The following SLC25A26 variants were observed in gnomAD, a reference collection of about 807,000 sequenced individuals.
SLC25A26 encodes the protein solute carrier family 25 member 26.
SLC25A26 carries 36 observed loss-of-function variants against 37.8 expected under a neutral mutation model. The ratio of observed to expected loss-of-function variants is 0.95; its 90% CI spans 0.73 to 1.26. The LOEUF (loss-of-function observed/expected upper bound fraction) is 1.26, where lower values mean the gene tolerates loss of function less well. Among genes scored for constraint, SLC25A26 ranks in the 50% most tolerant of loss-of-function variants. The probability of loss-of-function intolerance (pLI) is 0.00; values close to 1 mark genes in which losing one functional copy is unlikely to be tolerated. For synonymous variants in SLC25A26, 129 were observed against 122.5 expected, an observed-to-expected ratio of 1.05 and a Z score of -0.35; for missense variants, 390 against 331.1, an observed-to-expected ratio of 1.18 and a Z score of -1.38.
intron 5 of SLC25A26, among the ~76,000 whole-genome samples, chr3:66,288,204 T>C (rs899503099): frequency 2.0e-5 from 3 of 152,160 alleles, no homozygotes; most frequent in Non-Finnish European, 4.4e-5. Context: ...TAAGAACAAA[T>C]AGACAGTGAA....
At chr3:66,324,022 C>T (rs891641299) in intron 5 of SLC25A26, 1 of 152,116 alleles carries the variant, frequency 6.6e-6, no homozygotes, top group Non-Finnish European at 1.5e-5. Flanking sequence ...CACCATGTTG[C>T]CTAAGGAGGG....
rs2071151268 is a variant in SLC25A26 at position 66,204,445 on chromosome 3, AAAG to A, written c.-353-16294_-353-16292del. ...CGTCTCAAAAAAAAAAAAAAGAAAA[AAAG>A]AAAAAAGAAAGAAAAAGAAAAAAGA... On this transcript the variant is annotated intron_variant, in intron 1 of 10. Transcript: ENST00000676754. Among the ~76,000 whole-genome samples, 231 of 150,168 alleles carry A rather than the reference AAAG, an allele frequency of 1.5e-3. 1 individual carries two copies. Among genetic ancestry groups the A allele is most frequent in the Non-Finnish European group, 2.8e-3 (188 of 67,382 alleles).
intron 5 of SLC25A26, among the ~76,000 whole-genome samples, chr3:66,320,477 C>T (rs182606421): frequency 4.4e-4 from 67 of 152,318 alleles, no homozygotes; most frequent in African/African-American, 1.5e-3. Context: ...CATGGATATA[C>T]TTCCTCTGTT....
At chr3:66,167,758 T>C (rs1454678929) in intron 1 of SLC25A26, among the ~76,000 whole-genome samples, 1 of 152,210 alleles carries the variant, frequency 6.6e-6, no homozygotes, top group Non-Finnish European at 1.5e-5. Flanking sequence ...TCCATTTTCT[T>C]TCCCTTGACA....
At chr3:66,342,205 A>G (rs977476093) in intron 5 of SLC25A26, among the ~76,000 whole-genome samples, 4 of 152,062 alleles carry the variant, frequency 2.6e-5, no homozygotes, top group Admixed American at 6.6e-5. Flanking sequence ...AGGCCTACCA[A>G]TTCCATGCTG....
intron 1 of SLC25A26, among the ~76,000 whole-genome samples, chr3:66,172,426 A>AGG (rs2070514304): frequency 6.6e-6 from 1 of 150,914 alleles, no homozygotes; most frequent in African/African-American, 2.4e-5. Flanking sequence ...AAAAAAAAAA[A>AGG]AAAAGGAAAA....
At chr3:66,230,805 CA>C (rs74185176) in intron 1 of SLC25A26, among the ~76,000 whole-genome samples, 1 of 53,924 alleles carries the variant, frequency 1.9e-5, no homozygotes, top group African/African-American at 1.2e-4. Context: ...AACTCTGTCT[CA>C]AAAAAAAAAA....
chr3:66,316,226 T>G (rs2075535444), intron 5 of SLC25A26, among the ~76,000 whole-genome samples: 1 of 152,218 alleles, frequency 6.6e-6, no homozygotes, highest in East Asian at 1.9e-4. Flanking sequence ...CCTGTGTACT[T>G]CCATGTGGTT....
intron 1 of SLC25A26, among the ~76,000 whole-genome samples, chr3:66,221,387 A>G (rs1433369802): frequency 1.3e-5 from 2 of 152,162 alleles, no homozygotes; most frequent in East Asian, 3.9e-4. Context: ...TCATTTACTT[A>G]AAAAAGAGCT....
intron 1 of SLC25A26, among the ~76,000 whole-genome samples, chr3:66,175,203 C>G (rs2070568405): frequency 6.7e-6 from 1 of 149,030 alleles, no homozygotes; most frequent in African/African-American, 2.5e-5. Context: ...CACACACACA[C>G]AGATTTACTA....
intron 6 of SLC25A26, among the ~76,000 whole-genome samples, chr3:66,359,241 T>G (rs535572907): frequency 1.1e-4 from 17 of 152,368 alleles, no homozygotes; most frequent in Admixed American, 3.3e-4. Flanking sequence ...CAGGCACCTC[T>G]GTGAAGCTTT....
At chr3:66,365,790 A>C (rs114734508) in intron 7 of SLC25A26, among the ~76,000 whole-genome samples, 2,055 of 152,318 alleles carry the variant, frequency 0.013, 58 homozygotes, top group African/African-American at 0.047. Context: ...CCACATCTGC[A>C]CACTTCACTG....
chr3:66,193,134 C>T (rs919517293), intron 1 of SLC25A26, among the ~76,000 whole-genome samples: 153 of 152,176 alleles, frequency 1.0e-3, no homozygotes, highest in Non-Finnish European at 1.6e-3. Context: ...ATAATACATA[C>T]TGCTTTATTT....
chr3:66,173,619 C>T (rs775021760), intron 1 of SLC25A26, among the ~76,000 whole-genome samples: 1 of 152,296 alleles, frequency 6.6e-6, no homozygotes. Context: ...CCTTGAGTAG[C>T]ATTTGATCCA....
chr3:66,231,763 A>T (rs919683701), intron 1 of SLC25A26, among the ~76,000 whole-genome samples: 7 of 137,898 alleles, frequency 5.1e-5, no homozygotes, highest in East Asian at 4.2e-4. Flanking sequence ...GGTTTACCTC[A>T]TTTTTTTTTT....
intron 6 of SLC25A26, among the ~76,000 whole-genome samples, chr3:66,354,210 T>C (rs1302839324): frequency 6.6e-6 from 1 of 152,022 alleles, no homozygotes; most frequent in African/African-American, 2.4e-5. Context: ...TATTGCAGTG[T>C]GGAGAACTGT....
chr3:66,356,610 T>G (rs1349798746), intron 6 of SLC25A26, among the ~76,000 whole-genome samples: 1 of 151,970 alleles, frequency 6.6e-6, no homozygotes, highest in African/African-American at 2.4e-5. Flanking sequence ...GGAAGCTGGG[T>G]GAAGGATATG....
intron 1 of SLC25A26, among the ~76,000 whole-genome samples, chr3:66,158,194 A>G (rs2070310200): frequency 6.6e-6 from 1 of 152,240 alleles, no homozygotes. Flanking sequence ...TTGAGGCTTC[A>G]ATATTGTTTG....
At chr3:66,245,245 A>G (rs1348311551) in intron 3 of SLC25A26, among the ~76,000 whole-genome samples, 3 of 55,844 alleles carry the variant, frequency 5.4e-5, no homozygotes, top group Non-Finnish European at 8.1e-5. Flanking sequence ...AAACACAGTT[A>G]TGATTAAAAA....
Sources: gnomAD v4.1 joint callset for allele counts (sites outside exome capture counted in the v4.1 genomes callset) on GRCh38, gnomAD v4.1.1 for gene constraint, MANE v1.5 for transcripts, NCBI Gene and HGNC (gene_info 2026-07-23, HGNC 2026-07-21) for gene names.